The following ROBO2 variants were observed in gnomAD, a reference collection of about 807,000 sequenced individuals.
ROBO2 encodes roundabout guidance receptor 2.
A neutral mutation model predicts 160.8 loss-of-function variants in ROBO2; 53 were observed. The observed-to-expected ratio is 0.33, with a 90% CI of 0.26 to 0.41. The LOEUF is 0.41. Among genes scored for constraint, ROBO2 ranks in the 10% least tolerant of loss-of-function variants. The pLI is 1.00. For missense variants in ROBO2, 1,577 were observed against 1,722.4 expected (o/e 0.92, Z 1.49); for synonymous variants, 664 against 611.7 (o/e 1.09, Z -1.26).
At chr3:77,181,104 A>T (rs551323214) in intron 2 of ROBO2, among the ~76,000 whole-genome samples, 2 of 152,232 alleles carry the variant, frequency 1.3e-5, no homozygotes, top group East Asian at 3.9e-4. Context: ...ATACTAGATG[A>T]CTTCAATCTT....
At chr3:76,900,362 G>C (rs914414019) in intron 2 of ROBO2, among the ~76,000 whole-genome samples, 5 of 152,140 alleles carry the variant, frequency 3.3e-5, no homozygotes, top group African/African-American at 1.2e-4. Flanking sequence ...CTAAGCTTAG[G>C]TTGGTTGGAG....
chr3:77,219,426 A>C (rs1041146008), intron 2 of ROBO2, among the ~76,000 whole-genome samples: 1 of 98,480 alleles, frequency 1.0e-5, no homozygotes, highest in South Asian at 3.4e-4. Flanking sequence ...GACTGTGTGT[A>C]TGTGTGTGTA....
chr3:77,355,861 A>G (rs1237437288), intron 2 of ROBO2, among the ~76,000 whole-genome samples: 1 of 152,070 alleles, frequency 6.6e-6, no homozygotes, highest in Non-Finnish European at 1.5e-5. Context: ...AATAGCATAT[A>G]TAACCAAGTA....
At chr3:77,546,459 C>A (rs778733106) in exon 7 of ROBO2, 1 of 1,612,998 alleles carries the variant, frequency 6.2e-7, no homozygotes, top group South Asian at 1.1e-5. Flanking sequence ...AAGAAGGCAG[C>A]CAGGTGAGTG....
intron 2 of ROBO2, among the ~76,000 whole-genome samples, chr3:76,752,850 T>A (rs1203762271): frequency 1.3e-5 from 2 of 151,904 alleles, no homozygotes; most frequent in East Asian, 3.9e-4. Flanking sequence ...GGGACTTTTT[T>A]GTATTTTTGT....
intron 2 of ROBO2, among the ~76,000 whole-genome samples, chr3:76,266,337 A>G (rs887551043): frequency 2.0e-5 from 3 of 152,120 alleles, no homozygotes; most frequent in African/African-American, 7.2e-5. Context: ...CCATTGACCA[A>G]ATTATGCCCC....
At chr3:76,241,027 T>G (rs572887819) in intron 2 of ROBO2, among the ~76,000 whole-genome samples, 92 of 152,296 alleles carry the variant, frequency 6.0e-4, no homozygotes, top group African/African-American at 1.9e-3. Flanking sequence ...AAGATAAATC[T>G]CTCCTCATCC....
chr3:77,125,917 C>T (rs1273732890), intron 2 of ROBO2, among the ~76,000 whole-genome samples: 1 of 151,998 alleles, frequency 6.6e-6, no homozygotes, highest in Non-Finnish European at 1.5e-5. Context: ...TTAGTTGTTT[C>T]ACTTATATAA....
intron 21 of ROBO2, among the ~76,000 whole-genome samples, chr3:77,616,344 T>G (rs866906411): frequency 1.3e-5 from 2 of 148,722 alleles, no homozygotes. Context: ...TAGGATGGGT[T>G]TTTTAGACCT....
intron 2 of ROBO2, among the ~76,000 whole-genome samples, chr3:77,379,226 G>A (rs1284775334): frequency 3.9e-5 from 6 of 152,138 alleles, no homozygotes; most frequent in South Asian, 4.1e-4. Context: ...GATTACAGGC[G>A]TGAGCCACAA....
intron 2 of ROBO2, among the ~76,000 whole-genome samples, chr3:77,001,147 T>C (rs1256592554): frequency 1.3e-5 from 2 of 152,134 alleles, no homozygotes; most frequent in African/African-American, 4.8e-5. Flanking sequence ...CCTCTAAAAT[T>C]ATGTTGCATA....
chr3:77,245,860 T>C lies in ROBO2; in HGVS notation c.388+147520T>C, dbSNP rs562994012. 2.0e-4 allele frequency among the ~76,000 whole-genome samples: 30 copies of C among 152,284 alleles called. 1 individual carries two copies. Among genetic ancestry groups the C allele is most frequent in the African/African-American group, 6.5e-4 (27 of 41,560 alleles). Reference sequence around the variant, plus strand: ...ACAGAATGATGTTGCCATGGCTGAGTTAGTCATAAAATTAGAAATCACAGT... The same window carrying C: ...ACAGAATGATGTTGCCATGGCTGAGCTAGTCATAAAATTAGAAATCACAGT... On this transcript the variant is annotated intron_variant, in intron 2 of 25. Transcript: ENST00000461745.
At chr3:77,611,109 T>A (rs1209770359) in intron 21 of ROBO2, among the ~76,000 whole-genome samples, 1 of 151,798 alleles carries the variant, frequency 6.6e-6, no homozygotes, top group African/African-American at 2.4e-5. Flanking sequence ...CCATCCTGGC[T>A]AACACGGTGA....
chr3:77,589,154 C>G (rs746297843), intron 17 of ROBO2, among the ~76,000 whole-genome samples: 4 of 152,062 alleles, frequency 2.6e-5, no homozygotes, highest in Non-Finnish European at 5.9e-5. Context: ...TGAAGCATAA[C>G]AAGAGCACAG....
intron 2 of ROBO2, among the ~76,000 whole-genome samples, chr3:76,811,066 T>G (rs563142334): frequency 6.6e-6 from 1 of 152,292 alleles, no homozygotes; most frequent in South Asian, 2.1e-4. Flanking sequence ...TAGTGTTGCA[T>G]GACTAATAAG....
At chr3:77,053,280 A>G (rs1307749462) in intron 1 of ROBO2, among the ~76,000 whole-genome samples, 1 of 152,206 alleles carries the variant, frequency 6.6e-6, no homozygotes, top group Admixed American at 6.5e-5. Context: ...ACAGTAAATT[A>G]AGCCATGTCT....
At chr3:76,062,081 C>CA (rs1015582773) in intron 2 of ROBO2, among the ~76,000 whole-genome samples, 1 of 152,092 alleles carries the variant, frequency 6.6e-6, no homozygotes, top group African/African-American at 2.4e-5. Context: ...AACTGGCTAG[C>CA]AACCTTAACT....
chr3:76,598,998 A>G (rs553135261), intron 2 of ROBO2, among the ~76,000 whole-genome samples: 1 of 152,238 alleles, frequency 6.6e-6, no homozygotes, highest in African/African-American at 2.4e-5. Flanking sequence ...GACAGCAAAA[A>G]GTAACCTCAT....
At chr3:75,948,026 G>A (rs1948385236) in intron 2 of ROBO2, among the ~76,000 whole-genome samples, 1 of 152,032 alleles carries the variant, frequency 6.6e-6, no homozygotes. Flanking sequence ...AGGATGTAAG[G>A]AAGCCAACAC....
Sources: gnomAD v4.1 joint callset for allele counts (sites outside exome capture counted in the v4.1 genomes callset) on GRCh38, gnomAD v4.1.1 for gene constraint, MANE v1.5 for transcripts, NCBI Gene and HGNC (gene_info 2026-07-23, HGNC 2026-07-21) for gene names.